SOX5: variants seen among roughly 807,000 people sequenced by gnomAD.
SOX5 encodes the protein SRY-box transcription factor 5.
A neutral mutation model predicts 92.0 loss-of-function variants in SOX5; 9 were observed. That is an observed-to-expected ratio of 0.10 (90% CI 0.06 to 0.17). The LOEUF (loss-of-function observed/expected upper bound fraction) is 0.17, where lower values mean the gene tolerates loss of function less well. Among genes scored for constraint, SOX5 ranks in the 10% least tolerant of loss-of-function variants. The probability of loss-of-function intolerance (pLI) is 1.00; values close to 1 mark genes in which losing one functional copy is unlikely to be tolerated. For synonymous variants in SOX5, 344 were observed against 336.3 expected, an observed-to-expected ratio of 1.02 and a Z score of -0.25; for missense variants, 642 against 944.5, an observed-to-expected ratio of 0.68 and a Z score of 4.20.
At chr12:24,010,940 A>C (rs74480484) in intron 4 of SOX5, among the ~76,000 whole-genome samples, 7 of 144,484 alleles carry the variant, frequency 4.8e-5, no homozygotes, top group African/African-American at 1.5e-4. Flanking sequence ...CTCCATTTCC[A>C]AAAAAAAAAA....
intron 6 of SOX5, among the ~76,000 whole-genome samples, chr12:23,720,611 T>C (rs1316493715): frequency 6.6e-6 from 1 of 152,084 alleles, no homozygotes; most frequent in African/African-American, 2.4e-5. Context: ...AAAAATGATC[T>C]TTAAAAAAAA....
chr12:23,938,164 G>A, intron 1 of SOX5, among the ~76,000 whole-genome samples: 1 of 150,900 alleles, frequency 6.6e-6, no homozygotes, highest in East Asian at 1.9e-4. Flanking sequence ...TCTTAAATTG[G>A]TATCAGCACT....
At chr12:24,018,118 T>C (rs1380940196) in intron 4 of SOX5, among the ~76,000 whole-genome samples, 1 of 152,138 alleles carries the variant, frequency 6.6e-6, no homozygotes, top group African/African-American at 2.4e-5. Context: ...TCTTCCTTTA[T>C]CTGCCCCTAC....
chr12:23,884,336 A>G (rs1052894114), intron 2 of SOX5, among the ~76,000 whole-genome samples: 1 of 152,170 alleles, frequency 6.6e-6, no homozygotes, highest in African/African-American at 2.4e-5. Flanking sequence ...CTTAACTAAT[A>G]CCCTATGCCA....
At chr12:24,310,723 G>A (rs887999184) in intron 2 of SOX5, among the ~76,000 whole-genome samples, 2 of 152,190 alleles carry the variant, frequency 1.3e-5, no homozygotes, top group African/African-American at 4.8e-5. Flanking sequence ...ATTAAAAGAA[G>A]TGAATTCCAT....
At position 23,993,912 on chromosome 12, in the gene SOX5, T is replaced by TATGC. The variant is rs1209945179; in HGVS notation, c.-1-97892_-1-97889dup. On this transcript the variant is annotated intron_variant, in intron 4 of 4. Coordinates refer to the SOX5 transcript ENST00000446891. ...GTATGTATGTATGTATGTATGTATG[T>TATGC]ATGCATGTATGCATGTATGTGTGTA... Among the ~76,000 whole-genome samples the TATGC allele has an allele frequency of 1.7e-3, 258 of 148,446 alleles. 6 individuals carry two copies. Among genetic ancestry groups the TATGC allele is most frequent in the Middle Eastern group, 3.4e-3 (1 of 290 alleles).
chr12:23,563,765 C>A (rs1946611151), intron 10 of SOX5, among the ~76,000 whole-genome samples: 1 of 151,858 alleles, frequency 6.6e-6, no homozygotes, highest in African/African-American at 2.4e-5. Flanking sequence ...TTTTTTCCTG[C>A]AAGGAACATT....
chr12:23,576,747 A>G (rs1949167025), intron 9 of SOX5, among the ~76,000 whole-genome samples: 1 of 152,178 alleles, frequency 6.6e-6, no homozygotes, highest in Non-Finnish European at 1.5e-5. Context: ...TAAGAATATA[A>G]GAATGAGATA....
intron 2 of SOX5, among the ~76,000 whole-genome samples, chr12:24,346,538 G>A (rs1163671271): frequency 1.3e-5 from 2 of 148,630 alleles, no homozygotes; most frequent in East Asian, 2.0e-4. Flanking sequence ...TGCAACCTCC[G>A]CCTCCCAGAT....
intron 2 of SOX5, among the ~76,000 whole-genome samples, chr12:24,362,914 A>G (rs1955748722): frequency 6.6e-6 from 1 of 151,768 alleles, no homozygotes; most frequent in African/African-American, 2.4e-5. Context: ...AGCATTATAC[A>G]TATAATAAAG....
At chr12:24,504,156 T>C (rs1948499333) in intron 1 of SOX5, among the ~76,000 whole-genome samples, 1 of 152,202 alleles carries the variant, frequency 6.6e-6, no homozygotes, top group Non-Finnish European at 1.5e-5. Context: ...ATTGGCCCAC[T>C]AATTTTTCTA....
intron 1 of SOX5, among the ~76,000 whole-genome samples, chr12:24,394,211 C>T (rs1237306259): frequency 6.6e-6 from 1 of 152,094 alleles, no homozygotes; most frequent in African/African-American, 2.4e-5. Context: ...GCAGCAGGGC[C>T]ATCCCATGAG....
chr12:23,979,141 T>C (rs1194647080), intron 4 of SOX5, among the ~76,000 whole-genome samples: 1 of 152,100 alleles, frequency 6.6e-6, no homozygotes, highest in Non-Finnish European at 1.5e-5. Flanking sequence ...ATGAGGGTTA[T>C]TTATATTGTT....
In SOX5 at chr12:23,839,508, G is replaced by A. The variant is rs1594931214; in HGVS notation, c.481+6475C>T. ...ACTTCCTAACTCATTCTATGAAGCT[G>A]GCAGTAGCAACAAAAACAGATAAAG... On this transcript the variant is annotated intron_variant, in intron 3 of 14. Transcript: ENST00000451604. Among the ~76,000 whole-genome samples, 3 of 151,928 alleles carry A rather than the reference G, an allele frequency of 2.0e-5. No homozygotes were observed. The East Asian group carries it at 5.8e-4, about 29-fold the overall frequency.
intron 1 of SOX5, among the ~76,000 whole-genome samples, chr12:24,534,209 CA>C (rs1274322380): frequency 6.0e-5 from 9 of 151,096 alleles, no homozygotes; most frequent in Non-Finnish European, 1.2e-4. Context: ...CACTGCAATT[CA>C]AATGGGACAA....
chr12:23,588,396 T>C (rs987433988), intron 9 of SOX5, among the ~76,000 whole-genome samples: 5 of 152,124 alleles, frequency 3.3e-5, no homozygotes, highest in South Asian at 2.1e-4. Context: ...AATTGCAAGA[T>C]TGATTTATCA....
At chr12:24,126,650 C>A (rs938421056) in intron 4 of SOX5, among the ~76,000 whole-genome samples, 1 of 152,150 alleles carries the variant, frequency 6.6e-6, no homozygotes, top group Admixed American at 6.6e-5. Flanking sequence ...AATGTAAACC[C>A]GACAATTGCA....
chr12:24,355,172 C>A (rs1954639331), intron 2 of SOX5, among the ~76,000 whole-genome samples: 1 of 151,766 alleles, frequency 6.6e-6, no homozygotes, highest in African/African-American at 2.4e-5. Flanking sequence ...GAGATCACTG[C>A]AGCAGTGGCA....
At chr12:23,585,171 C>T (rs1046384883) in intron 9 of SOX5, among the ~76,000 whole-genome samples, 3 of 152,136 alleles carry the variant, frequency 2.0e-5, no homozygotes, top group Non-Finnish European at 4.4e-5. Flanking sequence ...TTGTGAATAA[C>T]AGAATAGGAA....
Sources: allele counts gnomAD v4.1 joint callset (sites outside exome capture counted in the v4.1 genomes callset), GRCh38; gene constraint gnomAD v4.1.1; transcripts MANE v1.5; gene names NCBI Gene and HGNC (gene_info 2026-07-23, HGNC 2026-07-21).